Variants in ULK4 observed in about 807,000 individuals in gnomAD.
ULK4 encodes the protein unc-51 like kinase 4.
In ULK4, 133 loss-of-function variants were observed where a neutral mutation model predicts 160.6. That is an observed-to-expected ratio of 0.83 (90% CI 0.72 to 0.96). ULK4 has a LOEUF of 0.96. Ranked by LOEUF, ULK4 falls within the 40% of genes least tolerant of loss-of-function variation. ULK4 has a pLI of 0.00. For missense variants in ULK4, 1,580 were observed against 1,499.5 expected (o/e 1.05, Z -0.89); for synonymous variants, 534 against 539.8 (o/e 0.99, Z 0.15).
At chr3:41,710,742 C>T (rs2037065378) in intron 25 of ULK4, among the ~76,000 whole-genome samples, 1 of 150,666 alleles carries the variant, frequency 6.6e-6, no homozygotes, top group African/African-American at 2.4e-5. Context: ...TGCAGTGAGC[C>T]GAGATCGCTC....
intron 31 of ULK4, among the ~76,000 whole-genome samples, chr3:41,568,501 A>G (rs1453779280): frequency 1.3e-5 from 2 of 152,172 alleles, no homozygotes; most frequent in African/African-American, 4.8e-5. Flanking sequence ...TATCGATCTC[A>G]TGCTAACCTT....
At chr3:41,430,053 A>G (rs139512405) in intron 34 of ULK4, among the ~76,000 whole-genome samples, 119 of 152,352 alleles carry the variant, frequency 7.8e-4, no homozygotes, top group African/African-American at 2.6e-3. Flanking sequence ...CTTAAATAAT[A>G]TAAGATTAAG....
intron 33 of ULK4, among the ~76,000 whole-genome samples, chr3:41,458,146 G>A (rs1295938534): frequency 6.6e-6 from 1 of 152,114 alleles, no homozygotes; most frequent in African/African-American, 2.4e-5. Context: ...CATTCTAGAG[G>A]TCATATTGAG....
chr3:41,447,374 T>C (rs2083323962), intron 34 of ULK4, among the ~76,000 whole-genome samples: 1 of 152,140 alleles, frequency 6.6e-6, no homozygotes, highest in Non-Finnish European at 1.5e-5. Flanking sequence ...GAGGAGCTCT[T>C]TTCTGGCACA....
intron 9 of ULK4, among the ~76,000 whole-genome samples, chr3:41,912,261 C>CA (rs1444645449): frequency 7.0e-6 from 1 of 143,782 alleles, no homozygotes; most frequent in East Asian, 2.0e-4. Flanking sequence ...CCAGGGAGGT[C>CA]AAGGCTGCAA....
At chr3:41,922,536 G>T (rs1300069411) in intron 5 of ULK4, among the ~76,000 whole-genome samples, 1 of 150,044 alleles carries the variant, frequency 6.7e-6, no homozygotes, top group Non-Finnish European at 1.5e-5. Flanking sequence ...ATGGGTGTGA[G>T]CAGCTACACA....
chr3:41,320,571 T>C (rs1400641463), intron 35 of ULK4, among the ~76,000 whole-genome samples: 2 of 152,102 alleles, frequency 1.3e-5, no homozygotes, highest in Admixed American at 6.6e-5. Flanking sequence ...CAAGAATCCT[T>C]CTCAATTTTG....
chr3:41,936,009 A>C, intron 3 of ULK4, 69 bp from the exon 4 acceptor site: 1 of 1,566,594 alleles, frequency 6.4e-7, no homozygotes, highest in South Asian at 1.2e-5. Flanking sequence ...GAGAGGTTCC[A>C]CGCTGACAGA....
intron 19 of ULK4, among the ~76,000 whole-genome samples, chr3:41,818,113 CA>C (rs35468475): frequency 0.28 from 27,285 of 99,090 alleles, 2,682 homozygotes; most frequent in Middle Eastern, 0.43. Context: ...GGAGTTTCCT[CA>C]AAAAAAAAAA....
At position 41,657,818 on chromosome 3, in the gene ULK4, T is replaced by TAAAAAAAAAAAAAAAAAAAAAAAAAAA. The variant is rs60281588; in HGVS notation, c.3071+5788_3071+5789insTTTTTTTTTTTTTTTTTTTTTTTTTTT. 1.8e-4 allele frequency among the ~76,000 whole-genome samples: 18 copies of TAAAAAAAAAAAAAAAAAAAAAAAAAAA among 99,722 alleles called. 1 individual carries two copies. The highest frequency in any genetic ancestry group is 6.3e-4 in the South Asian group (2 of 3,192). 65.4% of individuals were successfully genotyped at this position (99,722 alleles called of 152,430 possible). A position where few individuals can be genotyped will look rare whatever the true frequency, so the allele number is the denominator to read the frequency against. On this transcript the variant is annotated intron_variant, in intron 30 of 36. Coordinates refer to ENST00000301831, the MANE Select transcript of ULK4 (RefSeq NM_017886.4). ...GTGACAAAGCGAGACTCCATCTCAT[T>TAAAAAAAAAAAAAAAAAAAAAAAAAAA]AAAAAAAAAAAAAAAAACACACACC...
chr3:41,747,397 G>A (rs2038455084), intron 22 of ULK4, among the ~76,000 whole-genome samples: 1 of 151,846 alleles, frequency 6.6e-6, no homozygotes, highest in African/African-American at 2.4e-5. Context: ...GGAATGACAT[G>A]TCCCAGCCTC....
chr3:41,858,195 G>A (rs2125680913), intron 17 of ULK4, among the ~76,000 whole-genome samples: 1 of 130,314 alleles, frequency 7.7e-6, no homozygotes, highest in Admixed American at 9.4e-5. Flanking sequence ...TTGTCGCCCA[G>A]GCTGGAGTGC....
chr3:41,467,087 T>C (rs1575262920), intron 32 of ULK4, among the ~76,000 whole-genome samples: 1 of 152,204 alleles, frequency 6.6e-6, no homozygotes, highest in African/African-American at 2.4e-5. Context: ...GACTCACATA[T>C]ATTACTGATG....
chr3:41,787,946 AAC>A (rs199999061), intron 21 of ULK4, among the ~76,000 whole-genome samples: 5 of 152,044 alleles, frequency 3.3e-5, no homozygotes, highest in Non-Finnish European at 5.9e-5. Flanking sequence ...CTGAAGGTAA[AAC>A]ACACACACAC....
intron 17 of ULK4, among the ~76,000 whole-genome samples, chr3:41,863,840 C>A (rs76818263): frequency 2.6e-5 from 4 of 151,584 alleles, no homozygotes; most frequent in South Asian, 2.1e-4. Flanking sequence ...AGTCCTCCCC[C>A]ACTCTTTCCT....
intron 19 of ULK4, among the ~76,000 whole-genome samples, chr3:41,814,908 CTTT>C (rs201381514): frequency 7.8e-6 from 1 of 127,426 alleles, no homozygotes; most frequent in Non-Finnish European, 1.6e-5. Flanking sequence ...TAATTCTGTC[CTTT>C]TTTTTTTTTT....
chr3:41,422,881 T>C lies in ULK4; in HGVS notation c.3493-24617A>G, dbSNP rs145693030. Among the ~76,000 whole-genome samples the C allele has an allele frequency of 3.3e-3, 496 of 152,328 alleles. 9 individuals are homozygous for C. Among genetic ancestry groups the C allele is most frequent in the African/African-American group, 0.012 (484 of 41,578 alleles). On this transcript the variant is annotated intron_variant, in intron 34 of 36. Coordinates refer to ENST00000301831, the MANE Select transcript of ULK4 (RefSeq NM_017886.4). Reference sequence around the variant, plus strand: ...CAGAAGTACTACACAAACATGTGTTTTGTACTACATTTATAATGGAAAATA... The same window carrying C: ...CAGAAGTACTACACAAACATGTGTTCTGTACTACATTTATAATGGAAAATA...
chr3:41,446,428 T>G (rs1011702343), intron 34 of ULK4, among the ~76,000 whole-genome samples: 2 of 152,030 alleles, frequency 1.3e-5, no homozygotes, highest in African/African-American at 2.4e-5. Flanking sequence ...CATGCACACA[T>G]ATGTTTACTG....
At chr3:41,537,024 A>T (rs542424930) in intron 32 of ULK4, among the ~76,000 whole-genome samples, 3 of 152,306 alleles carry the variant, frequency 2.0e-5, no homozygotes, top group East Asian at 3.9e-4. Flanking sequence ...GTTTAATGTC[A>T]ATTTGTTTGC....
Sources: gnomAD v4.1 joint callset for allele counts (sites outside exome capture counted in the v4.1 genomes callset) on GRCh38, gnomAD v4.1.1 for gene constraint, MANE v1.5 for transcripts, NCBI Gene and HGNC (gene_info 2026-07-23, HGNC 2026-07-21) for gene names.